The following DLG2 variants were observed in gnomAD, a reference collection of about 807,000 sequenced individuals.
DLG2 encodes the protein discs large MAGUK scaffold protein 2.
DLG2 carries 45 observed loss-of-function variants against 132.5 expected under a neutral mutation model. The observed-to-expected ratio is 0.34, with a 90% CI of 0.27 to 0.44. The LOEUF (loss-of-function observed/expected upper bound fraction) is 0.44. Among genes scored for constraint, DLG2 ranks in the 20% least tolerant of loss-of-function variants. The probability of loss-of-function intolerance (pLI) is 1.00; values close to 1 mark genes in which losing one functional copy is unlikely to be tolerated. For missense variants in DLG2, 1,045 were observed against 1,196.9 expected (o/e 0.87, Z 1.87); for synonymous variants, 424 against 419.6 (o/e 1.01, Z -0.13).
Position 84,526,174 on chromosome 11 carries a change from C to T in DLG2, c.519+8396G>A, listed in dbSNP as rs191942644. Among the ~76,000 whole-genome samples the T allele has an allele frequency of 7.9e-5, 12 of 152,198 alleles. No homozygotes were observed. In the East Asian group the frequency reaches 1.9e-3, roughly 24 times the overall value. ...TACTTTGTACTAATCATATTTCCAT[C>T]TTAGATGTTTATATTTCATATTATT... On this transcript the variant is annotated intron_variant, in intron 7 of 27. Transcript: ENST00000376104.
intron 16 of DLG2, among the ~76,000 whole-genome samples, chr11:83,869,211 A>G (rs2062962253): frequency 1.3e-5 from 2 of 152,172 alleles, no homozygotes; most frequent in Admixed American, 6.6e-5. Flanking sequence ...CCATGATCAT[A>G]TATTTTGGAA....
At chr11:84,436,990 G>A (rs749831563) in intron 7 of DLG2, among the ~76,000 whole-genome samples, 2 of 152,052 alleles carry the variant, frequency 1.3e-5, no homozygotes, top group Non-Finnish European at 2.9e-5. Flanking sequence ...TATTTATAAC[G>A]CCCACTTCAG....
chr11:85,093,084 T>C (rs1420435239), intron 6 of DLG2, among the ~76,000 whole-genome samples: 2 of 152,150 alleles, frequency 1.3e-5, no homozygotes, highest in African/African-American at 4.8e-5. Flanking sequence ...GACTGTGGGG[T>C]GAGTTGTCAC....
chr11:85,563,268 G>A (rs1244090400), intron 3 of DLG2, among the ~76,000 whole-genome samples: 1 of 151,814 alleles, frequency 6.6e-6, no homozygotes, highest in East Asian at 1.9e-4. Flanking sequence ...ACAGTTTGAT[G>A]CATTTTGACA....
At chr11:84,067,648 T>G (rs2096699359) in intron 10 of DLG2, among the ~76,000 whole-genome samples, 1 of 152,126 alleles carries the variant, frequency 6.6e-6, no homozygotes, top group South Asian at 2.1e-4. Flanking sequence ...TACTTAATTA[T>G]GTCTGCCTGT....
intron 5 of DLG2, among the ~76,000 whole-genome samples, chr11:85,154,095 A>C (rs1393377500): frequency 1.4e-5 from 2 of 140,262 alleles, no homozygotes; most frequent in Non-Finnish European, 3.1e-5. Context: ...AGTATTCATG[A>C]GCCCATCATG....
At chr11:84,781,525 A>G (rs1405157739) in intron 6 of DLG2, among the ~76,000 whole-genome samples, 2 of 151,734 alleles carry the variant, frequency 1.3e-5, no homozygotes, top group East Asian at 3.9e-4. Context: ...TGATAATAAA[A>G]TAATAATATA....
intron 7 of DLG2, among the ~76,000 whole-genome samples, chr11:84,280,867 ATTT>A (rs35970331): frequency 3.4e-4 from 23 of 67,702 alleles, no homozygotes; most frequent in African/African-American, 1.3e-3. Flanking sequence ...TGCCCAGCCA[ATTT>A]TTTTTTTTTT....
intron 17 of DLG2, among the ~76,000 whole-genome samples, chr11:83,797,502 TTTTTTTTTTTG>T (rs2043126422): frequency 7.6e-6 from 1 of 132,026 alleles, no homozygotes; most frequent in Non-Finnish European, 1.6e-5. Context: ...GTCTGCATTC[TTTTTTTTTTTG>T]TTTTGTTTTT....
chr11:84,785,542 G>A (rs1334740349), intron 6 of DLG2, among the ~76,000 whole-genome samples: 1 of 151,884 alleles, frequency 6.6e-6, no homozygotes, highest in African/African-American at 2.4e-5. Flanking sequence ...AATTGATTAG[G>A]TACAAGACCA....
At chr11:85,479,290 C>G (rs188255) in intron 3 of DLG2, among the ~76,000 whole-genome samples, 1 of 152,122 alleles carries the variant, frequency 6.6e-6, no homozygotes, top group East Asian at 1.9e-4. Flanking sequence ...CATGAGGGCC[C>G]GCTTACTTCT....
chr11:84,718,134 C>A (rs534398989), intron 6 of DLG2, among the ~76,000 whole-genome samples: 1 of 152,028 alleles, frequency 6.6e-6, no homozygotes, highest in Non-Finnish European at 1.5e-5. Context: ...CTATAATTAA[C>A]CTTCTGTTAA....
rs115291074 is a variant in DLG2, at chr11:85,487,913, T to A, written c.40+110744A>T. Reference sequence around the variant, plus strand: ...CTGTGTCCCCACCCAAATCTCATCTTGGACTGTACTCCCATAATTCCCATG... The same window carrying A: ...CTGTGTCCCCACCCAAATCTCATCTAGGACTGTACTCCCATAATTCCCATG... On this transcript the variant is annotated intron_variant, in intron 3 of 27. Transcript: ENST00000376104. Among the ~76,000 whole-genome samples, 325 of 152,334 alleles carry A rather than the reference T, an allele frequency of 2.1e-3. 3 individuals carry two copies. The highest frequency in any genetic ancestry group is 0.01 in the Middle Eastern group (3 of 294).
chr11:84,468,473 A>G (rs1055540660), intron 7 of DLG2, among the ~76,000 whole-genome samples: 1 of 151,500 alleles, frequency 6.6e-6, no homozygotes, highest in Admixed American at 6.6e-5. Context: ...TCCCACATGT[A>G]TACCCATGCT....
chr11:85,462,015 G>C (rs1178342445), intron 3 of DLG2, among the ~76,000 whole-genome samples: 1 of 152,176 alleles, frequency 6.6e-6, no homozygotes, highest in African/African-American at 2.4e-5. Flanking sequence ...CTTCTCAAAA[G>C]AAGACATTTA....
At chr11:84,149,560 T>C (rs1304722502) in intron 9 of DLG2, among the ~76,000 whole-genome samples, 4 of 152,106 alleles carry the variant, frequency 2.6e-5, no homozygotes, top group Non-Finnish European at 5.9e-5. Context: ...TTCTCTATGC[T>C]GTTTCATTGG....
chr11:84,155,760 A>G (rs1045719314), intron 9 of DLG2, among the ~76,000 whole-genome samples: 3 of 152,214 alleles, frequency 2.0e-5, no homozygotes, highest in African/African-American at 7.2e-5. Flanking sequence ...GTAGTTCAGA[A>G]TGACTGCACT....
At position 85,107,955 on chromosome 11, in the gene DLG2, C is replaced by G. The variant is rs1314280242; in HGVS notation, c.357+3706G>C. Among the ~76,000 whole-genome samples, 12 of 63,476 alleles carry G rather than the reference C, an allele frequency of 1.9e-4. No homozygotes were observed. In the Admixed American group the frequency reaches 1.9e-3, roughly 10 times the overall value. The allele number at this position is 63,476 out of a possible 152,430, so 41.6% of individuals were successfully genotyped here. ...AAAAAAAAAAAAAAAAAAAAAAAAGCCTCTCAGCCCCATTACTACATAGGT... is the reference window on the plus strand; with the variant it reads ...AAAAAAAAAAAAAAAAAAAAAAAAGGCTCTCAGCCCCATTACTACATAGGT... On this transcript the variant is annotated intron_variant, in intron 6 of 27. Transcript: ENST00000376104.
At chr11:85,187,209 A>C (rs1281078247) in intron 4 of DLG2, among the ~76,000 whole-genome samples, 1 of 152,128 alleles carries the variant, frequency 6.6e-6, no homozygotes, top group East Asian at 1.9e-4. Flanking sequence ...AATTGCTAAG[A>C]CTTTACATAA....
Sources: allele counts gnomAD v4.1 joint callset (sites outside exome capture counted in the v4.1 genomes callset), GRCh38; gene constraint gnomAD v4.1.1; transcripts MANE v1.5; gene names NCBI Gene and HGNC (gene_info 2026-07-23, HGNC 2026-07-21).